CADM2: variants seen among roughly 807,000 people sequenced by gnomAD.
CADM2 encodes the protein cell adhesion molecule 2.
CADM2 carries 12 observed loss-of-function variants against 49.8 expected under a neutral mutation model. That is an observed-to-expected ratio of 0.24 (90% CI 0.15 to 0.39). CADM2 has a LOEUF of 0.39. Among genes scored for constraint, CADM2 ranks in the 10% least tolerant of loss-of-function variants. The pLI is 1.00. For missense variants in CADM2, 378 were observed against 492.3 expected (o/e 0.77, Z 2.20); for synonymous variants, 214 against 175.4 (o/e 1.22, Z -1.74).
chr3:85,372,180 A>C (rs1331980923), intron 1 of CADM2, among the ~76,000 whole-genome samples: 1 of 152,072 alleles, frequency 6.6e-6, no homozygotes, highest in African/African-American at 2.4e-5. Context: ...ATATTTAAGA[A>C]AAATTTGATT....
At chr3:85,875,197 G>A (rs920643630) in intron 3 of CADM2, among the ~76,000 whole-genome samples, 1 of 152,042 alleles carries the variant, frequency 6.6e-6, no homozygotes, top group Admixed American at 6.6e-5. Flanking sequence ...AAACAGAAAA[G>A]GATTTGCTTG....
At chr3:85,899,206 T>C (rs2108444532) in intron 5 of CADM2, among the ~76,000 whole-genome samples, 1 of 151,798 alleles carries the variant, frequency 6.6e-6, no homozygotes. Flanking sequence ...CCTCAGGTGA[T>C]CCACCCACCT....
chr3:85,431,860 C>CATATGTATATATATATATATAT lies in CADM2; in HGVS notation c.62-294658_62-294657insGTATATATATATATATATATAT, dbSNP rs139257494. On this transcript the variant is annotated intron_variant, in intron 1 of 9. Coordinates refer to ENST00000383699, the MANE Select transcript of CADM2 (RefSeq NM_001167675.2). Reference sequence around the variant, plus strand: ...AACACCATGGTCTTATGCTTAATTGCATATATATATATGCCATGCTCTTTC... The same window carrying CATATGTATATATATATATATAT: ...AACACCATGGTCTTATGCTTAATTGCATATGTATATATATATATATATATATATATATATGCCATGCTCTTTC... Among the ~76,000 whole-genome samples, 61 of 51,856 alleles carry CATATGTATATATATATATATAT rather than the reference C, an allele frequency of 1.2e-3. 16 individuals carry two copies. The highest frequency in any genetic ancestry group is 2.6e-3 in the South Asian group (3 of 1,140). The allele number at this position is 51,856 out of a possible 152,430, so 34.0% of individuals were successfully genotyped here.
chr3:86,018,636 A>G (rs1246037011), intron 8 of CADM2, among the ~76,000 whole-genome samples: 1 of 152,200 alleles, frequency 6.6e-6, no homozygotes, highest in Non-Finnish European at 1.5e-5. Context: ...AGTGATGGTG[A>G]GCATTTTTTC....
chr3:85,606,509 A>G (rs1258541445), intron 1 of CADM2, among the ~76,000 whole-genome samples: 1 of 152,130 alleles, frequency 6.6e-6, no homozygotes, highest in Non-Finnish European at 1.5e-5. Context: ...TATTTACTAA[A>G]TTGTTTTGGC....
intron 2 of CADM2, among the ~76,000 whole-genome samples, chr3:85,775,293 T>G (rs2070306457): frequency 6.6e-6 from 1 of 151,768 alleles, no homozygotes; most frequent in Admixed American, 6.6e-5. Flanking sequence ...GGGAGTCCAT[T>G]TACATTTCTG....
chr3:85,128,517 G>T lies in CADM2; in HGVS notation c.61+168849G>T, dbSNP rs190250477. 2.6e-5 allele frequency among the ~76,000 whole-genome samples: 4 copies of T among 152,232 alleles called. No homozygotes were observed. The East Asian group carries it at 7.7e-4, about 29-fold the overall frequency. ...ACAATCCTAGAAGTGAGAGATAATA[G>T]AATATTTTGACAGTATGAGTTTAAT... On this transcript the variant is annotated intron_variant, in intron 1 of 9. Transcript: ENST00000383699.
chr3:86,015,611 G>A (rs773518290), intron 8 of CADM2, among the ~76,000 whole-genome samples: 1 of 152,136 alleles, frequency 6.6e-6, no homozygotes, highest in Non-Finnish European at 1.5e-5. Flanking sequence ...TTGTGAGCTC[G>A]CCAAACAAGG....
At chr3:85,321,055 C>CTATATTGT (rs2044585290) in intron 1 of CADM2, among the ~76,000 whole-genome samples, 1 of 109,332 alleles carries the variant, frequency 9.1e-6, no homozygotes, top group East Asian at 3.1e-4. Flanking sequence ...AAAATAAAAA[C>CTATATTGT]TATATTGTTT....
chr3:86,068,120 A>T lies in CADM2; in HGVS notation c.*1337A>T, dbSNP rs965366763. On this transcript the variant is annotated 3_prime_UTR_variant, in exon 10 of 10. Coordinates refer to ENST00000383699, the MANE Select transcript of CADM2 (RefSeq NM_001167675.2). ...TAAATGAACTAATTCTTTATATTAA[A>T]TTCCTGTCTATGCATTTTGTGAGGT... 1 of 152,450 alleles carries T rather than the reference A, an allele frequency of 6.6e-6. No homozygotes were observed. The highest frequency in any genetic ancestry group is 1.5e-5 in the Non-Finnish European group (1 of 67,852). 9.4% of individuals were successfully genotyped at this position (152,450 alleles called of 1,614,324 possible).
At chr3:85,845,359 C>T (rs575520261) in intron 3 of CADM2, among the ~76,000 whole-genome samples, 54 of 152,082 alleles carry the variant, frequency 3.6e-4, no homozygotes, top group African/African-American at 1.1e-3. Flanking sequence ...GACCAACTCA[C>T]GGGGAAGGTC....
intron 1 of CADM2, among the ~76,000 whole-genome samples, chr3:84,981,434 G>C (rs2032174991): frequency 3.9e-5 from 6 of 151,988 alleles, no homozygotes. Context: ...AATCTGAATT[G>C]TACGTTACTA....
At chr3:85,537,209 A>G (rs1178283205) in intron 1 of CADM2, among the ~76,000 whole-genome samples, 3 of 152,126 alleles carry the variant, frequency 2.0e-5, no homozygotes, top group Non-Finnish European at 4.4e-5. Context: ...AAGCAGAATT[A>G]TACCTATTCT....
intron 1 of CADM2, among the ~76,000 whole-genome samples, chr3:85,379,645 G>A (rs982461306): frequency 6.6e-6 from 1 of 151,926 alleles, no homozygotes; most frequent in East Asian, 1.9e-4. Context: ...ATAGCCTTCA[G>A]TAATAACAAG....
intron 1 of CADM2, among the ~76,000 whole-genome samples, chr3:85,229,070 T>C (rs2042225063): frequency 6.6e-6 from 1 of 152,190 alleles, no homozygotes; most frequent in African/African-American, 2.4e-5. Context: ...TGGTGGGCTC[T>C]GCCCAGTTTG....
At position 85,869,207 on chromosome 3, in the gene CADM2, C is replaced by T. The variant is rs139365310; in HGVS notation, c.239-14084C>T. On this transcript the variant is annotated intron_variant, in intron 3 of 9. Transcript: ENST00000383699. ...CAGAAGCTCTACTAACTTCTTAAAG[C>T]TCGGCAATGAAGTGAAATATGTCAC... is the stretch of plus-strand genomic sequence containing the variant. Among the ~76,000 whole-genome samples, 37 of 152,202 alleles carry T rather than the reference C, an allele frequency of 2.4e-4. No individual in the cohort carries two copies. In the East Asian group the frequency reaches 4.6e-3, roughly 19 times the overall value.
At chr3:85,194,089 A>T (rs1423716110) in intron 1 of CADM2, among the ~76,000 whole-genome samples, 3 of 152,134 alleles carry the variant, frequency 2.0e-5, no homozygotes, top group Non-Finnish European at 2.9e-5. Flanking sequence ...TATGAACTAA[A>T]ATCTGGAGGA....
intron 8 of CADM2, among the ~76,000 whole-genome samples, chr3:86,032,063 A>C (rs1734622732): frequency 6.6e-6 from 1 of 151,758 alleles, no homozygotes; most frequent in Admixed American, 6.6e-5. Flanking sequence ...TCTATGTGTC[A>C]ATAAATAATG....
chr3:85,354,790 G>A (rs988245984), intron 1 of CADM2, among the ~76,000 whole-genome samples: 2 of 152,026 alleles, frequency 1.3e-5, no homozygotes, highest in Admixed American at 6.6e-5. Flanking sequence ...GGGAAGCCTG[G>A]GCTCTGGCAG....
Sources: gnomAD v4.1 joint callset for allele counts (sites outside exome capture counted in the v4.1 genomes callset) on GRCh38, gnomAD v4.1.1 for gene constraint, MANE v1.5 for transcripts, NCBI Gene and HGNC (gene_info 2026-07-23, HGNC 2026-07-21) for gene names.